CAPN15: variants seen among roughly 807,000 people sequenced by gnomAD.
CAPN15 encodes the protein calpain 15, also known as calpain-15.
Under a neutral mutation model 97.9 loss-of-function variants are expected in CAPN15, and 53 were observed. The ratio of observed to expected loss-of-function variants is 0.54; its 90% CI spans 0.43 to 0.68. The LOEUF is 0.68. CAPN15 is among the 30% of genes least tolerant of loss of function. CAPN15 has a pLI of 0.00. For missense variants in CAPN15, 1,592 were observed against 1,589.8 expected, an observed-to-expected ratio of 1.00 and a Z score of -0.02; for synonymous variants, 922 against 722.5, an observed-to-expected ratio of 1.28 and a Z score of -4.43.
chr16:534,353 C>T (rs2033544389), intron 2 of CAPN15, among the ~76,000 whole-genome samples: 1 of 152,218 alleles, frequency 6.6e-6, no homozygotes, highest in South Asian at 2.1e-4. Context: ...CGGCCCCCAC[C>T]GCTATCCTCA....
intron 1 of CAPN15, among the ~76,000 whole-genome samples, 192 bp from the exon 2 acceptor site, chr16:533,754 G>T (rs1477414975): frequency 6.6e-6 from 1 of 152,086 alleles, no homozygotes; most frequent in Non-Finnish European, 1.5e-5. Context: ...GCTGCTCCCC[G>T]GGCTGCCTTT....
At chr16:542,966 G>T (rs1019980880) in intron 3 of CAPN15, among the ~76,000 whole-genome samples, 2 of 151,264 alleles carry the variant, frequency 1.3e-5, no homozygotes, top group African/African-American at 4.9e-5. Context: ...CAGGAGAATC[G>T]CTTGAACTTG....
chr16:548,148 C>A lies in CAPN15; in HGVS notation c.1310C>A (p.Thr437Lys). 6.5e-7 allele frequency: 1 copy of A among 1,531,304 alleles called. No individual in the cohort carries two copies. Among genetic ancestry groups the A allele is most frequent in the South Asian group, 1.2e-5 (1 of 81,250 alleles). 94.9% of individuals were successfully genotyped at this position (1,531,304 alleles called of 1,614,324 possible). The part of the protein sequence containing the change: ...LRAKHCAACH[T>K]PQLLVAQRRG... Reference sequence around the variant, plus strand: ...GCCAAGCACTGCGCCGCCTGCCACACGCCTCAGCTCCTGGTGGCCCAGCGG... The same window carrying A: ...GCCAAGCACTGCGCCGCCTGCCACAAGCCTCAGCTCCTGGTGGCCCAGCGG... Residue 437 changes from threonine (T) to lysine (K), a missense_variant, in exon 4 of 14, where the codon ACG (threonine) becomes AAG (lysine). Thr to Lys is a moderately conservative substitution (Grantham distance 78). Around this residue, in one of 3 missense-constraint regions of CAPN15, gnomAD observed 883 missense variants for 776.6 expected, o/e 1.14. Transcript: ENST00000219611.
In CAPN15 at chr16:543,873, C is replaced by T. The variant is rs576158507; in HGVS notation, c.-22-2944C>T. Among the ~76,000 whole-genome samples, 268 of 152,330 alleles carry T rather than the reference C, an allele frequency of 1.8e-3. 1 individual carries two copies. Among genetic ancestry groups the T allele is most frequent in the African/African-American group, 6.3e-3 (260 of 41,574 alleles). On this transcript the variant is annotated intron_variant, in intron 3 of 13. Transcript: ENST00000219611. ...TGCCCTGGTGGCCGCTGAATTCTCC[C>T]AACGCCCCAGGACAGCAGGTGCTGT...
chr16:552,257 C>A lies in CAPN15; in HGVS notation c.2508-44C>A, dbSNP rs752881938. 1.3e-6 allele frequency: 2 copies of A among 1,534,092 alleles called. No individual in the cohort carries two copies. The highest frequency in any genetic ancestry group is 1.2e-5 in the South Asian group (1 of 83,242). ...ATCGGGCTGGGCTGGGCTAGGCTGG[C>A]GGCCGTGACCACGCGTGACCCTGGC... On this transcript the variant is annotated intron_variant, in intron 10 of 13. Transcript: ENST00000219611. This position sits in a 1 kb window ranked among gnomAD's most constrained non-coding sequence, Gnocchi z 6.4.
rs1301149154 is a variant in CAPN15 at position 554,592 on chromosome 16, C to T, written c.*1076C>T. 8.8e-6 allele frequency: 4 copies of T among 456,114 alleles called. No homozygotes were observed. Among genetic ancestry groups the T allele is most frequent in the Admixed American group, 2.3e-5 (1 of 42,558 alleles). 28.3% of individuals were successfully genotyped at this position (456,114 alleles called of 1,614,324 possible). A position where few individuals can be genotyped will look rare whatever the true frequency, so the allele number is the denominator to read the frequency against. On this transcript the variant is annotated 3_prime_UTR_variant, in exon 14 of 14. Transcript: ENST00000219611. ...CCATAGGATTCTCCACAGTGGCTTC[C>T]GACTCAGGCTCCAATGGACCAAATA...
intron 3 of CAPN15, among the ~76,000 whole-genome samples, chr16:540,630 G>T (rs756716049): frequency 3.9e-5 from 6 of 152,232 alleles, no homozygotes; most frequent in African/African-American, 1.4e-4. Context: ...GCTGCTCCAC[G>T]CAGAGAAGCT....
chr16:528,710 C>T, intron 1 of CAPN15: 1 of 985,412 alleles, frequency 1.0e-6, no homozygotes, highest in Non-Finnish European at 1.2e-6. Flanking sequence ...GAGTTTGTTA[C>T]CGGACTGCAG....
At position 552,659 on chromosome 16, in the gene CAPN15, T is replaced by C; in HGVS notation, c.2792T>C (p.Val931Ala). The C allele has an allele frequency of 3.9e-6, 6 of 1,540,644 alleles. No homozygotes were observed. The highest frequency in any genetic ancestry group is 5.2e-6 in the Non-Finnish European group (6 of 1,144,128). ...GCCTCCCCAGAGCCGCCGGGCCACG[T>C]GCTGGCTGTGTACAGCTCGAGGCTG... ...PRASPEPPGH[V>A]LAVYSSRLVM... The change falls in exon 12 of 14, where the codon GTG becomes GCG. Residue 931 changes from valine (V) to alanine (A), a missense_variant. Val to Ala is a moderately conservative substitution (Grantham distance 64). Coordinates refer to ENST00000219611, the MANE Select transcript of CAPN15 (RefSeq NM_005632.3). This position sits in a 1 kb window ranked among gnomAD's most constrained non-coding sequence, Gnocchi z 6.4.
In CAPN15 at chr16:552,985, C is replaced by T. The variant is rs757945255; in HGVS notation, c.3027C>T (p.Asn1009=). The T allele has an allele frequency of 1.5e-5, 24 of 1,611,340 alleles. No individual in the cohort carries two copies. Among genetic ancestry groups the T allele is most frequent in the East Asian group, 2.2e-5 (1 of 44,828 alleles). ...AGTGTGACTGCACCGACAGCTTCAA[C>T]GTGGTGTCCACACGCGGCAGCCTGC... The part of the protein sequence containing the change: ...HVQCDCTDSF[N]VVSTRGSLRT... Residue 1009 remains asparagine (N), a synonymous_variant, in exon 13 of 14, where the codon AAC becomes AAT. Coordinates refer to ENST00000219611, the MANE Select transcript of CAPN15 (RefSeq NM_005632.3). The surrounding 1 kb of genome is among the most constrained non-coding windows in gnomAD (Gnocchi z 6.4).
At position 537,103 on chromosome 16, in the gene CAPN15, C is replaced by T. The variant is rs974067431; in HGVS notation, c.-23+961C>T. The T allele has an allele frequency of 2.4e-5, 24 of 981,990 alleles. No individual in the cohort carries two copies. In the South Asian group the frequency reaches 9.4e-4, roughly 39 times the overall value. 60.8% of individuals were successfully genotyped at this position (981,990 alleles called of 1,614,324 possible). ...CTTAACAGAGCCAGCTGTCCAGCCT[C>T]TGTGACAGGGACGTTTGCTTTTCTC... is the stretch of plus-strand genomic sequence containing the variant. On this transcript the variant is annotated intron_variant, in intron 3 of 13. Coordinates refer to ENST00000219611, the MANE Select transcript of CAPN15 (RefSeq NM_005632.3).
rs1205922804 is a variant in CAPN15, at chr16:549,480, G to T, written c.1842+9G>T. 1 of 1,581,888 alleles carries T rather than the reference G, an allele frequency of 6.3e-7. No homozygotes were observed. On this transcript the variant is annotated intron_variant, in intron 6 of 13. Coordinates refer to ENST00000219611, the MANE Select transcript of CAPN15 (RefSeq NM_005632.3). The stretch of plus-strand genomic sequence containing the variant: ...GCCTCCTCTTCTCACAGGTGGGGCG[G>T]CCTGCAGGGTGGGCACGGGCGGCAG...
At chr16:534,115 T>TCA in intron 2 of CAPN15, 117 bp downstream of exon 2, 1 of 212,530 alleles carries the variant, frequency 4.7e-6, no homozygotes, top group Non-Finnish European at 5.4e-6. Context: ...AGCCCTTGAT[T>TCA]CACAGAACCC....
In CAPN15 at chr16:535,743, C is replaced by T. The variant is rs1423716020; in HGVS notation, c.-136-286C>T. Among the ~76,000 whole-genome samples, 1 of 152,160 alleles carries T rather than the reference C, an allele frequency of 6.6e-6. No homozygotes were observed. Among genetic ancestry groups the T allele is most frequent in the Non-Finnish European group, 1.5e-5 (1 of 68,008 alleles). Reference sequence around the variant, plus strand: ...ACTCTTGAGGCGCCGCCCTGAGAGTCAGCCCTGTGGTCACGGCTCCTGCTG... The same window carrying T: ...ACTCTTGAGGCGCCGCCCTGAGAGTTAGCCCTGTGGTCACGGCTCCTGCTG... On this transcript the variant is annotated intron_variant, in intron 2 of 13. Coordinates refer to ENST00000219611, the MANE Select transcript of CAPN15 (RefSeq NM_005632.3). This position sits in a 1 kb window ranked among gnomAD's most constrained non-coding sequence, Gnocchi z 6.2.
At position 546,980 on chromosome 16, in the gene CAPN15, T is replaced by C. The variant is rs753340384; in HGVS notation, c.142T>C (p.Trp48Arg). 2 of 1,610,116 alleles carry C rather than the reference T, an allele frequency of 1.2e-6. No individual in the cohort carries two copies. The highest frequency in any genetic ancestry group is 1.3e-5 in the African/African-American group (1 of 74,908). Reference protein sequence around the residue: ...ILRLSVEEQKWPCARCTFRNF... With the variant: ...ILRLSVEEQKRPCARCTFRNF... ...GCGGCTCAGCGTGGAGGAGCAGAAATGGCCCTGCGCCCGCTGCACCTTCCG... is the reference window on the plus strand; with the variant it reads ...GCGGCTCAGCGTGGAGGAGCAGAAACGGCCCTGCGCCCGCTGCACCTTCCG... The change falls in exon 4 of 14, where the codon TGG (tryptophan) becomes CGG (arginine). Residue 48 changes from tryptophan to arginine, a missense_variant. Physicochemically the swap from Trp to Arg is moderately radical, Grantham distance 101 (BLOSUM62 -3). This residue lies in a region of CAPN15 where 883 missense variants were observed against 776.6 expected (regional missense o/e 1.14). Coordinates refer to ENST00000219611, the MANE Select transcript of CAPN15 (RefSeq NM_005632.3).
In CAPN15 at chr16:549,697, G is replaced by T; in HGVS notation, c.1925G>T (p.Gly642Val). ...GGCTCCTACTTTGCGCTCCAGGCGG[G>T]CCGCGCCATCGAAGGCCTGGCCACG... ...LHGSYFALQA[G>V]RAIEGLATLT... Residue 642 changes from glycine (G) to valine (V), a missense_variant, in exon 7 of 14, where the codon GGC (glycine) becomes GTC (valine). By Grantham distance (109) the Gly-to-Val change is moderately radical. Transcript: ENST00000219611. 6.4e-7 allele frequency: 1 copy of T among 1,563,600 alleles called. No individual in the cohort carries two copies.
At position 548,207 on chromosome 16, in the gene CAPN15, A is replaced by G. The variant is rs1348900909; in HGVS notation, c.1369A>G (p.Met457Val). 3.2e-6 allele frequency: 5 copies of G among 1,548,246 alleles called. No homozygotes were observed. Among genetic ancestry groups the G allele is most frequent in the African/African-American group, 2.8e-5 (2 of 72,502 alleles). The change falls in exon 4 of 14, where the codon ATG becomes GTG. Residue 457 changes from methionine to valine, a missense_variant. By Grantham distance (21) the Met-to-Val change is conservative. This residue lies in a region of CAPN15 where 883 missense variants were observed against 776.6 expected (regional missense o/e 1.14). Coordinates refer to ENST00000219611, the MANE Select transcript of CAPN15 (RefSeq NM_005632.3). The stretch of plus-strand genomic sequence containing the variant: ...CGCGCCCCTGAGGCGCAGGGAGAGC[A>G]TGCACGTGGAGCAGCGGCGGCAGAC... Reference protein sequence around the residue: ...GAAPLRRRESMHVEQRRQTDE... With the variant: ...GAAPLRRRESVHVEQRRQTDE...
At position 530,428 on chromosome 16, in the gene CAPN15, G is replaced by A. The variant is rs190668728; in HGVS notation, c.-190+2399G>A. Among the ~76,000 whole-genome samples the A allele has an allele frequency of 1.1e-4, 16 of 152,360 alleles. 1 individual carries two copies. The East Asian group carries it at 2.9e-3, about 28-fold the overall frequency. ...CCAGGGGGACTCCTGCGTGCTCCAG[G>A]AAAGTAGCACAGCAGCCCCTGTGGC... On this transcript the variant is annotated intron_variant, in intron 1 of 13. Transcript: ENST00000219611.
intron 3 of CAPN15, among the ~76,000 whole-genome samples, chr16:544,180 G>A (rs538640522): frequency 6.6e-6 from 1 of 152,290 alleles, no homozygotes; most frequent in Non-Finnish European, 1.5e-5. Context: ...CTCGAGGGAG[G>A]CACCACGCCT....
Sources: gnomAD v4.1 joint callset for allele counts (sites outside exome capture counted in the v4.1 genomes callset) on GRCh38, gnomAD v4.1.1 for gene constraint, gnomAD v4.1.1 regional missense constraint, Gnocchi (gnomAD v3.1) non-coding constraint, MANE v1.5 for transcripts, NCBI Gene and HGNC (gene_info 2026-07-23, HGNC 2026-07-21) for gene names.